SETBP1: variants seen among roughly 807,000 people sequenced by gnomAD.
SETBP1 encodes SET-binding protein.
Under a neutral mutation model 101.0 loss-of-function variants are expected in SETBP1, and 9 were observed. That is an observed-to-expected ratio of 0.09 (90% CI 0.05 to 0.16). The LOEUF (loss-of-function observed/expected upper bound fraction) is 0.16, where lower values mean the gene tolerates loss of function less well. Among genes scored for constraint, SETBP1 ranks in the 10% least tolerant of loss-of-function variants. The pLI, the probability that SETBP1 is intolerant of heterozygous loss-of-function variation, is 1.00. For missense variants in SETBP1, 1,858 were observed against 2,033.8 expected (o/e 0.91, Z 1.66); for synonymous variants, 818 against 788.5 (o/e 1.04, Z -0.63).
intron 4 of SETBP1, among the ~76,000 whole-genome samples, chr18:44,991,104 T>C (rs1448524669): frequency 6.7e-6 from 1 of 149,688 alleles, no homozygotes; most frequent in East Asian, 1.9e-4. Context: ...TAGCTGAGAG[T>C]GGTAGCACGT....
chr18:44,814,551 C>T (rs1459159896), intron 2 of SETBP1, among the ~76,000 whole-genome samples: 1 of 152,180 alleles, frequency 6.6e-6, no homozygotes, highest in Non-Finnish European at 1.5e-5. Context: ...GTAGGAGCTT[C>T]TAGTGATAAG....
chr18:44,962,729 C>T (rs1020848849), intron 4 of SETBP1, among the ~76,000 whole-genome samples: 4 of 152,150 alleles, frequency 2.6e-5, no homozygotes, highest in African/African-American at 4.8e-5. Context: ...TCAGAACAAG[C>T]TGGATAAGAA....
rs1016518645 is a variant in SETBP1 at position 44,701,908 on chromosome 18, T to C, written c.486+76T>C. 19 of 1,486,920 alleles carry C rather than the reference T, an allele frequency of 1.3e-5. No homozygotes were observed. In the South Asian group the frequency reaches 2.2e-4, roughly 17 times the overall value. The allele number at this position is 1,486,920 out of a possible 1,614,324, so 92.1% of individuals were successfully genotyped here. A position where few individuals can be genotyped will look rare whatever the true frequency, so the allele number is the denominator to read the frequency against. Reference sequence around the variant, plus strand: ...ATTTTATCCTCAACTTCTTAGGGTCTATTTATATATTATATTTGACTCTAG... The same window carrying C: ...ATTTTATCCTCAACTTCTTAGGGTCCATTTATATATTATATTTGACTCTAG... On this transcript the variant is annotated intron_variant, in intron 2 of 5. Coordinates refer to ENST00000649279, the MANE Select transcript of SETBP1 (RefSeq NM_015559.3).
At chr18:44,768,464 G>C (rs1438079763) in intron 2 of SETBP1, among the ~76,000 whole-genome samples, 3 of 152,098 alleles carry the variant, frequency 2.0e-5, no homozygotes, top group African/African-American at 4.8e-5. Context: ...AATGTTTTCA[G>C]ATTTCTTTAT....
chr18:44,759,584 C>A (rs1207669692), intron 2 of SETBP1, among the ~76,000 whole-genome samples: 1 of 152,128 alleles, frequency 6.6e-6, no homozygotes, highest in Non-Finnish European at 1.5e-5. Flanking sequence ...TTTCAGTTCC[C>A]CAAACAGTGT....
intron 2 of SETBP1, among the ~76,000 whole-genome samples, chr18:44,811,920 G>T (rs1413307971): frequency 6.6e-6 from 1 of 152,192 alleles, no homozygotes; most frequent in Admixed American, 6.5e-5. Context: ...GACCTGTGTG[G>T]CAGCTTTTCT....
At position 44,815,895 on chromosome 18, in the gene SETBP1, A is replaced by G. The variant is rs376234091; in HGVS notation, c.487-53335A>G. Among the ~76,000 whole-genome samples, 22 of 152,292 alleles carry G rather than the reference A, an allele frequency of 1.4e-4. No homozygotes were observed. The East Asian group carries it at 4.1e-3, about 28-fold the overall frequency. On this transcript the variant is annotated intron_variant, in intron 2 of 5. Transcript: ENST00000649279. The stretch of plus-strand genomic sequence containing the variant: ...CTTTGAAGTCACAAGCTTGAAAGAG[A>G]TGATCTTGGAGGACCCTCCCAGCTT...
chr18:44,949,806 A>G (rs1204703643), intron 3 of SETBP1, 75 bp from the exon 4 acceptor site: 4 of 1,183,078 alleles, frequency 3.4e-6, no homozygotes, highest in African/African-American at 3.0e-5. Context: ...GATGTCAAAT[A>G]TTAAGTAGCT....
chr18:44,784,549 A>T (rs2071198523), intron 2 of SETBP1, among the ~76,000 whole-genome samples: 1 of 152,042 alleles, frequency 6.6e-6, no homozygotes, highest in East Asian at 1.9e-4. Flanking sequence ...TATCACATTG[A>T]CCTGTTTTAT....
At chr18:44,788,948 G>A (rs995978692) in intron 2 of SETBP1, among the ~76,000 whole-genome samples, 3 of 151,452 alleles carry the variant, frequency 2.0e-5, no homozygotes, top group African/African-American at 4.9e-5. Flanking sequence ...GACTACAGGC[G>A]CACACCACTC....
chr18:45,031,418 G>A lies in SETBP1; in HGVS notation c.4001-7067G>A, dbSNP rs145509659. On this transcript the variant is annotated intron_variant, in intron 4 of 5. Coordinates refer to ENST00000649279, the MANE Select transcript of SETBP1 (RefSeq NM_015559.3). ...AAACTCCTTTAATCCACACAACAAC[G>A]TCATTAACAGATGAAAAAAATTGAG... Among the ~76,000 whole-genome samples the A allele has an allele frequency of 1.1e-3, 170 of 152,162 alleles. 2 individuals carry two copies. The highest frequency in any genetic ancestry group is 8.5e-4 in the Non-Finnish European group (58 of 68,010).
At chr18:44,988,516 G>A (rs749093169) in intron 4 of SETBP1, 10 of 152,244 alleles carry the variant, frequency 6.6e-5, no homozygotes, top group Non-Finnish European at 1.3e-4. Flanking sequence ...GGTTAGAAAT[G>A]TGGGTACAGG....
intron 4 of SETBP1, among the ~76,000 whole-genome samples, chr18:45,026,599 G>C (rs1482366072): frequency 6.6e-6 from 1 of 152,064 alleles, no homozygotes; most frequent in Non-Finnish European, 1.5e-5. Context: ...GTGCATACTT[G>C]GTACATTGTA....
At chr18:45,039,036 A>G (rs770878062) in intron 5 of SETBP1, among the ~76,000 whole-genome samples, 6 of 152,200 alleles carry the variant, frequency 3.9e-5, no homozygotes, top group Non-Finnish European at 7.3e-5. Flanking sequence ...CCTCATTTTC[A>G]GAAGAGGAAG....
intron 2 of SETBP1, among the ~76,000 whole-genome samples, chr18:44,770,079 C>T (rs1324442556): frequency 6.6e-6 from 1 of 152,226 alleles, no homozygotes. Context: ...TTCCCCTCCT[C>T]CCAGCTCTTT....
intron 4 of SETBP1, among the ~76,000 whole-genome samples, chr18:44,981,954 G>A (rs749739615): frequency 3.3e-5 from 5 of 152,068 alleles, no homozygotes; most frequent in Non-Finnish European, 7.3e-5. Flanking sequence ...TTCTATTCAC[G>A]CTGTTCAAAA....
intron 3 of SETBP1, among the ~76,000 whole-genome samples, chr18:44,938,721 G>A (rs2071017735): frequency 6.6e-6 from 1 of 152,216 alleles, no homozygotes; most frequent in Non-Finnish European, 1.5e-5. Flanking sequence ...GGTGGCCCAG[G>A]TTAGGGAAAA....
At position 44,849,669 on chromosome 18, in the gene SETBP1, T is replaced by TGAGA. The variant is rs3085859; in HGVS notation, c.487-19539_487-19536dup. ...GGGGAAGAGTCCACAAGCACTGGGA[T>TGAGA]GAGAGAGAGAGAGAGAGAGAGAGAG... On this transcript the variant is annotated intron_variant, in intron 2 of 5. Transcript: ENST00000649279. Among the ~76,000 whole-genome samples, 152 of 148,600 alleles carry TGAGA rather than the reference T, an allele frequency of 1.0e-3. 1 individual carries two copies. Among genetic ancestry groups the TGAGA allele is most frequent in the Middle Eastern group, 3.4e-3 (1 of 292 alleles).
intron 2 of SETBP1, 83 bp from the exon 3 acceptor site, chr18:44,869,147 A>G: frequency 8.4e-7 from 1 of 1,189,096 alleles, no homozygotes; most frequent in Non-Finnish European, 1.3e-6. Context: ...GGCTATGGTA[A>G]GTCCATTGCT....
Sources: gnomAD v4.1 joint callset for allele counts (sites outside exome capture counted in the v4.1 genomes callset) on GRCh38, gnomAD v4.1.1 for gene constraint, MANE v1.5 for transcripts, NCBI Gene and HGNC (gene_info 2026-07-23, HGNC 2026-07-21) for gene names.